The following COP1 variants were observed in gnomAD, a reference collection of about 807,000 sequenced individuals.
COP1 encodes E3 ubiquitin-protein ligase COP1.
COP1 carries 24 observed loss-of-function variants against 101.3 expected under a neutral mutation model. The ratio of observed to expected loss-of-function variants is 0.24; its 90% CI spans 0.17 to 0.33. The LOEUF is 0.33. Among genes scored for constraint, COP1 ranks in the 10% least tolerant of loss-of-function variants. COP1 has a pLI of 1.00. For missense variants in COP1, 663 were observed against 906.2 expected (o/e 0.73, Z 3.45); for synonymous variants, 347 against 341.9 (o/e 1.01, Z -0.17).
Position 176,192,953 on chromosome 1 carries a change from T to C in COP1, c.408-8261A>G, listed in dbSNP as rs56290310. Among the ~76,000 whole-genome samples the C allele has an allele frequency of 3.2e-3, 482 of 152,272 alleles. 1 individual carries two copies. Among genetic ancestry groups the C allele is most frequent in the African/African-American group, 0.011 (462 of 41,558 alleles). On this transcript the variant is annotated intron_variant, in intron 1 of 19. Coordinates refer to ENST00000367669, the MANE Select transcript of COP1 (RefSeq NM_022457.7). The stretch of plus-strand genomic sequence containing the variant: ...GCTGAATTTAAAATATAGTACCAAT[T>C]AAACTAGTCTTCTATTCTTGAAACA...
chr1:176,102,637 C>G (rs1338340274), intron 9 of COP1, among the ~76,000 whole-genome samples: 1 of 152,190 alleles, frequency 6.6e-6, no homozygotes, highest in Non-Finnish European at 1.5e-5. Flanking sequence ...AACAAACCTC[C>G]TTCTTGCCTG....
chr1:176,020,675 CCAA>C (rs892226080), intron 15 of COP1, among the ~76,000 whole-genome samples: 29 of 152,130 alleles, frequency 1.9e-4, no homozygotes, highest in African/African-American at 4.3e-4. Flanking sequence ...AGACTCTGTC[CCAA>C]CAACAACAAC....
At chr1:176,058,135 T>TA (rs1553244710) in intron 11 of COP1, among the ~76,000 whole-genome samples, 1 of 68,112 alleles carries the variant, frequency 1.5e-5, no homozygotes, top group Non-Finnish European at 3.0e-5. Flanking sequence ...GGAGGTGGGG[T>TA]GGGGGGGGGG....
chr1:176,175,215 ACT>A (rs1696752381), intron 3 of COP1, among the ~76,000 whole-genome samples: 1 of 152,032 alleles, frequency 6.6e-6, no homozygotes, highest in African/African-American at 2.4e-5. Flanking sequence ...AGACCCATGG[ACT>A]CTTTCTCACT....
intron 9 of COP1, among the ~76,000 whole-genome samples, chr1:176,092,727 C>A (rs181570906): frequency 5.3e-5 from 8 of 152,254 alleles, no homozygotes; most frequent in African/African-American, 1.4e-4. Context: ...ATGCTGAGAA[C>A]CTGGAACTCA....
intron 16 of COP1, 53 bp downstream of exon 16, chr1:175,989,309 G>A: frequency 1.2e-6 from 1 of 868,932 alleles, no homozygotes; most frequent in Non-Finnish European, 2.0e-6. Context: ...CAAGCTGGTA[G>A]GTAAGTACAG....
At chr1:176,131,982 C>T (rs1054955447) in intron 8 of COP1, among the ~76,000 whole-genome samples, 1 of 151,594 alleles carries the variant, frequency 6.6e-6, no homozygotes, top group Non-Finnish European at 1.5e-5. Flanking sequence ...AGCAATTCTC[C>T]AACAATATTT....
chr1:176,140,205 A>G (rs567806126), intron 6 of COP1, among the ~76,000 whole-genome samples: 14 of 152,302 alleles, frequency 9.2e-5, no homozygotes, highest in African/African-American at 3.4e-4. Context: ...GTTACATATG[A>G]AGGCTTCTAT....
chr1:176,046,587 A>C (rs1671559326), intron 11 of COP1, among the ~76,000 whole-genome samples: 1 of 152,060 alleles, frequency 6.6e-6, no homozygotes, highest in Admixed American at 6.6e-5. Context: ...CATGCTTTTC[A>C]TTCAGTTCTA....
At chr1:176,018,142 G>A (rs1382589078) in intron 15 of COP1, among the ~76,000 whole-genome samples, 4 of 152,200 alleles carry the variant, frequency 2.6e-5, no homozygotes, top group Non-Finnish European at 4.4e-5. Flanking sequence ...ACTAATGTTA[G>A]CTATTATTAT....
chr1:176,089,272 G>A (rs1001020946), intron 9 of COP1, among the ~76,000 whole-genome samples: 1 of 146,320 alleles, frequency 6.8e-6, no homozygotes, highest in Admixed American at 7.0e-5. Context: ...CAGCCTGGGT[G>A]ACAGACTGAG....
chr1:176,043,909 AT>A, intron 12 of COP1, 91 bp from the exon 13 acceptor site: 1 of 772,398 alleles, frequency 1.3e-6, no homozygotes. Context: ...GATTTGCACT[AT>A]TTTAAAATGG....
In COP1 at chr1:176,131,007, T is replaced by C. The variant is rs1688792328; in HGVS notation, c.968+4003A>G. ...ACCCTAGGACCCTATAGGTTTGGGG[T>C]CTTTGGGGATAGTTACTTAACAGCT... On this transcript the variant is annotated intron_variant, in intron 8 of 19. Coordinates refer to ENST00000367669, the MANE Select transcript of COP1 (RefSeq NM_022457.7). Among the ~76,000 whole-genome samples the C allele has an allele frequency of 2.6e-5, 4 of 151,722 alleles. No homozygotes were observed. In the South Asian group the frequency reaches 8.3e-4, roughly 31 times the overall value.
Position 176,172,013 on chromosome 1 carries a change from T to C in COP1, c.565+3897A>G, listed in dbSNP as rs150918999. ...TAAAACAGTTCTGAAGTAATCATTT[T>C]TATAATACTCTAGAATTTACTCTCT... On this transcript the variant is annotated intron_variant, in intron 3 of 19. Coordinates refer to ENST00000367669, the MANE Select transcript of COP1 (RefSeq NM_022457.7). Among the ~76,000 whole-genome samples the C allele has an allele frequency of 2.6e-3, 400 of 152,344 alleles. 3 individuals are homozygous for C. Among genetic ancestry groups the C allele is most frequent in the African/African-American group, 9.2e-3 (382 of 41,580 alleles).
At chr1:176,180,121 T>A (rs1697546200) in intron 2 of COP1, among the ~76,000 whole-genome samples, 1 of 152,210 alleles carries the variant, frequency 6.6e-6, no homozygotes, top group African/African-American at 2.4e-5. Context: ...CTTATTTCTG[T>A]ATGTGCCAAT....
intron 8 of COP1, among the ~76,000 whole-genome samples, chr1:176,129,942 T>C (rs911313867): frequency 6.6e-6 from 1 of 151,796 alleles, no homozygotes; most frequent in Non-Finnish European, 1.5e-5. Context: ...ACTAGGCTCA[T>C]ACTAAGCTAA....
At chr1:176,066,338 T>C (rs531009024) in intron 11 of COP1, among the ~76,000 whole-genome samples, 1 of 152,292 alleles carries the variant, frequency 6.6e-6, no homozygotes, top group East Asian at 1.9e-4. Flanking sequence ...TTTTCTCCTG[T>C]CAATTTGTTG....
At chr1:175,985,619 A>T (rs10913118) in intron 18 of COP1, among the ~76,000 whole-genome samples, 1 of 152,040 alleles carries the variant, frequency 6.6e-6, no homozygotes, top group Admixed American at 6.6e-5. Flanking sequence ...CCACCCCACC[A>T]GAACTGACAA....
At chr1:175,971,462 G>T (rs1653220930) in intron 18 of COP1, among the ~76,000 whole-genome samples, 1 of 152,030 alleles carries the variant, frequency 6.6e-6, no homozygotes, top group Non-Finnish European at 1.5e-5. Flanking sequence ...AATCCCAAAG[G>T]GAGTTTGTTG....
Sources: gnomAD v4.1 joint callset for allele counts (sites outside exome capture counted in the v4.1 genomes callset) on GRCh38, gnomAD v4.1.1 for gene constraint, MANE v1.5 for transcripts, NCBI Gene and HGNC (gene_info 2026-07-23, HGNC 2026-07-21) for gene names.